FAF1: variants seen among roughly 807,000 people sequenced by gnomAD.
FAF1 encodes FAS-associated factor 1.
Under a neutral mutation model 92.5 loss-of-function variants are expected in FAF1, and 25 were observed. That is an observed-to-expected ratio of 0.27 (90% CI 0.20 to 0.38). The LOEUF (loss-of-function observed/expected upper bound fraction) is 0.38, where lower values mean the gene tolerates loss of function less well. FAF1 is among the 10% of genes least tolerant of loss of function. FAF1 has a pLI of 1.00. For synonymous variants in FAF1, 234 were observed against 273.2 expected, an observed-to-expected ratio of 0.86 and a Z score of 1.42; for missense variants, 636 against 793.3, an observed-to-expected ratio of 0.80 and a Z score of 2.38.
chr1:50,740,852 C>A (rs1234954369), intron 5 of FAF1, among the ~76,000 whole-genome samples: 1 of 151,030 alleles, frequency 6.6e-6, no homozygotes, highest in Non-Finnish European at 1.5e-5. Context: ...CACACACACA[C>A]AAATTATTTT....
At chr1:50,790,300 C>G (rs920598197) in intron 3 of FAF1, among the ~76,000 whole-genome samples, 1 of 152,026 alleles carries the variant, frequency 6.6e-6, no homozygotes, top group African/African-American at 2.4e-5. Flanking sequence ...CGCCACCACG[C>G]CTGGCTAATT....
chr1:50,900,074 C>G (rs1644784572), intron 1 of FAF1, among the ~76,000 whole-genome samples: 1 of 152,112 alleles, frequency 6.6e-6, no homozygotes, highest in Non-Finnish European at 1.5e-5. Context: ...ATAGCTCTAG[C>G]ATTTCTCAAA....
chr1:50,683,727 G>A (rs2124373589), intron 7 of FAF1, among the ~76,000 whole-genome samples: 1 of 152,138 alleles, frequency 6.6e-6, no homozygotes, highest in Non-Finnish European at 1.5e-5. Flanking sequence ...GAGGTAGGGA[G>A]TTCGAGACCA....
chr1:50,550,830 C>T (rs1649278004), intron 13 of FAF1, among the ~76,000 whole-genome samples: 1 of 152,170 alleles, frequency 6.6e-6, no homozygotes. Context: ...ACAAAACTCT[C>T]CCTTGACTTC....
intron 17 of FAF1, among the ~76,000 whole-genome samples, chr1:50,480,008 A>G (rs1646682259): frequency 6.6e-6 from 1 of 152,244 alleles, no homozygotes; most frequent in Non-Finnish European, 1.5e-5. Context: ...AAGGACACCT[A>G]CACTCAAACG....
At chr1:50,864,471 GGT>G (rs935598399) in intron 1 of FAF1, among the ~76,000 whole-genome samples, 2 of 152,020 alleles carry the variant, frequency 1.3e-5, no homozygotes, top group African/African-American at 2.4e-5. Context: ...AAAACAGCAT[GGT>G]ACTGGTACCA....
At chr1:50,542,021 A>C (rs1648779922) in intron 13 of FAF1, among the ~76,000 whole-genome samples, 1 of 152,188 alleles carries the variant, frequency 6.6e-6, no homozygotes, top group African/African-American at 2.4e-5. Flanking sequence ...AATTATATAA[A>C]AACAACAACA....
intron 2 of FAF1, among the ~76,000 whole-genome samples, chr1:50,856,734 T>C (rs1326075090): frequency 5.9e-5 from 9 of 151,772 alleles, no homozygotes; most frequent in Non-Finnish European, 1.3e-4. Flanking sequence ...AGGTTAAATA[T>C]GTAACATGTA....
At chr1:50,766,330 G>C (rs1402407887) in intron 4 of FAF1, among the ~76,000 whole-genome samples, 1 of 152,012 alleles carries the variant, frequency 6.6e-6, no homozygotes, top group East Asian at 1.9e-4. Context: ...TTACCCCCTA[G>C]AATACTTTTT....
chr1:50,795,579 T>C lies in FAF1; in HGVS notation c.161+6052A>G, dbSNP rs141904163. Among the ~76,000 whole-genome samples the C allele has an allele frequency of 4.7e-3, 711 of 152,340 alleles. 7 individuals carry two copies. The highest frequency in any genetic ancestry group is 0.016 in the African/African-American group (647 of 41,576). On this transcript the variant is annotated intron_variant, in intron 3 of 18. Transcript: ENST00000396153. ...GGGGTCCTCCTTAAAGTATGTGGTA[T>C]AAATGCTTTATATCAGTGTCCAAAA...
chr1:50,590,205 C>A (rs907983986), intron 9 of FAF1, among the ~76,000 whole-genome samples: 1 of 152,208 alleles, frequency 6.6e-6, no homozygotes, highest in Non-Finnish European at 1.5e-5. Context: ...CTGCAAAAAA[C>A]CACCATTGGA....
chr1:50,762,376 C>T (rs1464814219), intron 4 of FAF1, among the ~76,000 whole-genome samples: 3 of 151,982 alleles, frequency 2.0e-5, no homozygotes, highest in African/African-American at 7.3e-5. Flanking sequence ...GAGTCTGCAT[C>T]GCCAAGTCAA....
chr1:50,871,682 T>C (rs1258334064), intron 1 of FAF1, among the ~76,000 whole-genome samples: 1 of 152,206 alleles, frequency 6.6e-6, no homozygotes, highest in Non-Finnish European at 1.5e-5. Flanking sequence ...CTATTACTAT[T>C]CATTGACAAT....
chr1:50,748,013 T>C (rs1659696871), intron 4 of FAF1, among the ~76,000 whole-genome samples: 1 of 152,212 alleles, frequency 6.6e-6, no homozygotes, highest in Non-Finnish European at 1.5e-5. Flanking sequence ...TGCGAACCAA[T>C]TAAACCTTTT....
chr1:50,684,147 T>A (rs565156961), intron 7 of FAF1, among the ~76,000 whole-genome samples: 39 of 147,814 alleles, frequency 2.6e-4, no homozygotes, highest in Non-Finnish European at 4.3e-4. Context: ...AAAAACTTAG[T>A]AGTAGCAAAG....
At position 50,586,447 on chromosome 1, in the gene FAF1, A is replaced by C. The variant is rs377527725; in HGVS notation, c.841-1636T>G. ...ATTTGACTTAGTGTCAAATGTCAGC[A>C]TTTCCTCCTTGGGCATACCCAAGCA... On this transcript the variant is annotated intron_variant, in intron 9 of 18. Coordinates refer to ENST00000396153, the MANE Select transcript of FAF1 (RefSeq NM_007051.3). 1.8e-4 allele frequency among the ~76,000 whole-genome samples: 27 copies of C among 152,306 alleles called. No homozygotes were observed. In the South Asian group the frequency reaches 4.3e-3, roughly 25 times the overall value.
chr1:50,959,804 G>GAC lies in FAF1; in HGVS notation c.6_7dup (p.Ser3CysfsTer8). 1 of 1,582,542 alleles carries GAC rather than the reference G, an allele frequency of 6.3e-7. No individual in the cohort carries two copies. The highest frequency in any genetic ancestry group is 8.6e-7 in the Non-Finnish European group (1 of 1,163,704). Reference sequence around the variant, plus strand: ...CAGGATCATCTCCCGGTCCATGTTGGACGCCATGGCGGCCGCCGAGTTCCG... The same window carrying GAC: ...CAGGATCATCTCCCGGTCCATGTTGGACACGCCATGGCGGCCGCCGAGTTCCG... On this transcript the variant is annotated frameshift_variant, in exon 1 of 19. Coordinates refer to ENST00000396153, the MANE Select transcript of FAF1 (RefSeq NM_007051.3). LOFTEE classifies it high-confidence loss of function.
chr1:50,812,166 G>A (rs921486346), intron 2 of FAF1, among the ~76,000 whole-genome samples: 4 of 151,916 alleles, frequency 2.6e-5, no homozygotes, highest in East Asian at 3.9e-4. Context: ...TGACAAACAC[G>A]CCAAAAGCAA....
At chr1:50,886,390 T>A (rs1381991982) in intron 1 of FAF1, among the ~76,000 whole-genome samples, 1 of 152,200 alleles carries the variant, frequency 6.6e-6, no homozygotes, top group Non-Finnish European at 1.5e-5. Context: ...AGCTTTTTAA[T>A]TACTATACTT....
Sources: gnomAD v4.1 joint callset for allele counts (sites outside exome capture counted in the v4.1 genomes callset) on GRCh38, gnomAD v4.1.1 for gene constraint, MANE v1.5 for transcripts, NCBI Gene and HGNC (gene_info 2026-07-23, HGNC 2026-07-21) for gene names.